The following DGKB variants were observed in gnomAD, a reference collection of about 807,000 sequenced individuals.
DGKB encodes the protein 90 kDa diacylglycerol kinase.
In DGKB, 67 loss-of-function variants were observed where a neutral mutation model predicts 114.3. The observed-to-expected ratio is 0.59, with a 90% CI of 0.48 to 0.72. The LOEUF (loss-of-function observed/expected upper bound fraction) is 0.72. DGKB is among the 30% of genes least tolerant of loss of function. The pLI, the probability that DGKB is intolerant of heterozygous loss-of-function variation, is 0.00. For missense variants in DGKB, 907 were observed against 975.2 expected (o/e 0.93, Z 0.93); for synonymous variants, 398 against 323.1 (o/e 1.23, Z -2.49).
At chr7:14,844,534 C>T (rs1037828263) in intron 1 of DGKB, among the ~76,000 whole-genome samples, 3 of 152,118 alleles carry the variant, frequency 2.0e-5, no homozygotes, top group African/African-American at 4.8e-5. Context: ...AACCCAGAAA[C>T]CTGATCACTC....
At chr7:14,951,123 T>TAA (rs113280798) in intron 1 of DGKB, among the ~76,000 whole-genome samples, 11,930 of 151,916 alleles carry the variant, frequency 0.079, 1,454 homozygotes, top group African/African-American at 0.27. Context: ...AGGGCATCTA[T>TAA]AAATTCCACA....
intron 1 of DGKB, among the ~76,000 whole-genome samples, chr7:14,924,212 C>T (rs1784646030): frequency 1.3e-5 from 2 of 151,942 alleles, no homozygotes; most frequent in African/African-American, 4.8e-5. Flanking sequence ...GCTGGGTATG[C>T]AGTTCTAAAC....
intron 1 of DGKB, among the ~76,000 whole-genome samples, chr7:14,939,739 G>T (rs1187390865): frequency 1.4e-5 from 2 of 137,984 alleles, no homozygotes; most frequent in Non-Finnish European, 3.0e-5. Flanking sequence ...TCAGACTCCT[G>T]AGTAACTGGG....
chr7:14,654,151 A>C (rs1007515091), intron 13 of DGKB, among the ~76,000 whole-genome samples: 1 of 152,080 alleles, frequency 6.6e-6, no homozygotes, highest in African/African-American at 2.4e-5. Context: ...GACTTCACAA[A>C]AAACTCTTAT....
intron 23 of DGKB, among the ~76,000 whole-genome samples, chr7:14,314,878 G>C (rs1161113056): frequency 6.6e-6 from 1 of 151,898 alleles, no homozygotes; most frequent in Non-Finnish European, 1.5e-5. Context: ...AGGGCAGCCA[G>C]AGAGAAAGGT....
At chr7:14,231,115 CTTT>C (rs1562684672) in intron 23 of DGKB, among the ~76,000 whole-genome samples, 9 of 128,610 alleles carry the variant, frequency 7.0e-5, no homozygotes, top group Non-Finnish European at 1.3e-4. Flanking sequence ...TTCTTTCTTT[CTTT>C]CTTTCTTTCT....
chr7:14,746,895 C>T (rs1390047408), intron 4 of DGKB, among the ~76,000 whole-genome samples: 1 of 152,002 alleles, frequency 6.6e-6, no homozygotes, highest in African/African-American at 2.4e-5. Flanking sequence ...TTTGCTATAA[C>T]ATTTCTGTGT....
intron 21 of DGKB, among the ~76,000 whole-genome samples, chr7:14,400,262 T>C (rs1014066626): frequency 6.6e-5 from 10 of 151,856 alleles, no homozygotes; most frequent in African/African-American, 2.4e-4. Context: ...CTTCCTTACA[T>C]TATGTTTAAT....
intron 1 of DGKB, among the ~76,000 whole-genome samples, chr7:14,937,323 A>T (rs1785325478): frequency 6.6e-6 from 1 of 152,062 alleles, no homozygotes; most frequent in South Asian, 2.1e-4. Context: ...CTCCTTTCAA[A>T]GAAAGGAGAC....
intron 20 of DGKB, among the ~76,000 whole-genome samples, chr7:14,478,893 C>T (rs1286749785): frequency 6.6e-6 from 1 of 151,958 alleles, no homozygotes; most frequent in African/African-American, 2.4e-5. Context: ...TGCATCGGTT[C>T]TGACCCTAAT....
intron 2 of DGKB, among the ~76,000 whole-genome samples, chr7:14,762,959 C>T (rs368779929): frequency 1.3e-5 from 2 of 152,104 alleles, no homozygotes; most frequent in East Asian, 3.9e-4. Context: ...CAAATCATCA[C>T]CCTTCAACTG....
At chr7:14,669,221 C>T (rs1818549972) in intron 13 of DGKB, among the ~76,000 whole-genome samples, 1 of 152,154 alleles carries the variant, frequency 6.6e-6, no homozygotes, top group South Asian at 2.1e-4. Flanking sequence ...AAATATAAGT[C>T]AGATAATTTC....
At chr7:14,784,136 A>G (rs1417345558) in intron 2 of DGKB, among the ~76,000 whole-genome samples, 1 of 152,096 alleles carries the variant, frequency 6.6e-6, no homozygotes, top group African/African-American at 2.4e-5. Flanking sequence ...TAATTAGATT[A>G]TGATATATAT....
At chr7:14,694,781 A>G (rs1479744470) in intron 8 of DGKB, among the ~76,000 whole-genome samples, 2 of 152,196 alleles carry the variant, frequency 1.3e-5, no homozygotes, top group Non-Finnish European at 2.9e-5. Context: ...CAATATCAGT[A>G]CTTACCTAGA....
chr7:14,352,837 C>A (rs536413647), intron 21 of DGKB, among the ~76,000 whole-genome samples: 5 of 152,018 alleles, frequency 3.3e-5, no homozygotes, highest in African/African-American at 1.2e-4. Context: ...GCAGGAGAAT[C>A]GTCTGAACCC....
intron 5 of DGKB, among the ~76,000 whole-genome samples, chr7:14,734,888 T>C (rs1434495006): frequency 6.6e-6 from 1 of 151,898 alleles, no homozygotes; most frequent in Non-Finnish European, 1.5e-5. Flanking sequence ...TCATTGCCAG[T>C]GGATTCCTGT....
chr7:14,767,486 C>A (rs978175254), intron 2 of DGKB, among the ~76,000 whole-genome samples: 1 of 151,978 alleles, frequency 6.6e-6, no homozygotes, highest in Middle Eastern at 3.4e-3. Context: ...GAGCCCTTAT[C>A]ATCATCATCT....
chr7:14,260,833 C>T (rs970558328), intron 23 of DGKB, among the ~76,000 whole-genome samples: 4 of 152,130 alleles, frequency 2.6e-5, no homozygotes, highest in Admixed American at 1.3e-4. Flanking sequence ...ATAATTAAAA[C>T]TTGTTTTACA....
intron 23 of DGKB, among the ~76,000 whole-genome samples, chr7:14,232,373 G>GAA (rs5882434): frequency 0.018 from 2,507 of 142,504 alleles, 124 homozygotes; most frequent in East Asian, 0.12. Context: ...GTAAGTTAGT[G>GAA]AAAAAAAAAA....
Sources: allele counts gnomAD v4.1 joint callset (sites outside exome capture counted in the v4.1 genomes callset), GRCh38; gene constraint gnomAD v4.1.1; transcripts MANE v1.5; gene names NCBI Gene and HGNC (gene_info 2026-07-23, HGNC 2026-07-21).